The following TENM1 variants were observed in gnomAD, a reference collection of about 807,000 sequenced individuals.
TENM1 encodes teneurin-1.
A neutral mutation model predicts 174.8 loss-of-function variants in TENM1; 35 were observed. The ratio of observed to expected loss-of-function variants is 0.20; its 90% CI spans 0.15 to 0.27. TENM1 has a LOEUF of 0.27. TENM1 is among the 10% of genes least tolerant of loss of function. TENM1 has a pLI of 1.00. For synonymous variants in TENM1, 781 were observed against 798.7 expected (o/e 0.98, Z 0.37); for missense variants, 1,633 against 2,130.1 (o/e 0.77, Z 4.59).
intron 4 of TENM1, among the ~76,000 whole-genome samples, chrX:124,722,043 C>A (rs945636936): frequency 1.8e-5 from 2 of 111,783 alleles, no homozygotes; most frequent in Admixed American, 9.5e-5. Context: ...CCCACATTAC[C>A]ATAAAATTAC....
intron 31 of TENM1, 142 bp downstream of exon 34, chrX:124,382,528 C>A (rs1468683740): frequency 8.6e-6 from 4 of 463,517 alleles, no homozygotes; most frequent in Non-Finnish European, 1.3e-5. Flanking sequence ...TTTTTTTATA[C>A]CTTCTCATTA....
chrX:124,769,535 C>T (rs2054608589), intron 3 of TENM1, among the ~76,000 whole-genome samples: 1 of 111,563 alleles, frequency 9.0e-6, no homozygotes, highest in Non-Finnish European at 1.9e-5. Flanking sequence ...GAAGCCTAAA[C>T]AGAATGGATA....
intron 18 of TENM1, among the ~76,000 whole-genome samples, chrX:124,516,762 A>G (rs977664656): frequency 8.9e-6 from 1 of 112,005 alleles, no homozygotes; most frequent in African/African-American, 3.2e-5. Context: ...TTCTTCAAAG[A>G]CCTAAAAACA....
rs189638614 is a variant in TENM1 at position 124,612,617 on chromosome X, G to A, written c.2077+29174C>T. On this transcript the variant is annotated intron_variant, in intron 11 of 31. Transcript: ENST00000422452. ...AGAGAAGAGATTTCTTGTGCTATGC[G>A]TTTAAAATGACAACAGATCACATAA... is the stretch of plus-strand genomic sequence containing the variant. Among the ~76,000 whole-genome samples the A allele has an allele frequency of 8.1e-5, 9 of 111,405 alleles. No individual in the cohort carries two copies. In the East Asian group the frequency reaches 2.0e-3, roughly 25 times the overall value.
intron 14 of TENM1, 85 bp downstream of exon 17, chrX:124,561,586 A>G: frequency 9.1e-7 from 1 of 1,094,798 alleles, no homozygotes; most frequent in Non-Finnish European, 1.2e-6. Context: ...GAGATTCCTA[A>G]TTTTCACCCT....
At chrX:125,015,987 G>C in the TENM1 span, among the ~76,000 whole-genome samples, 11 of 111,491 alleles carry the variant, frequency 9.9e-5, no homozygotes, top group Non-Finnish European at 1.9e-4. Flanking sequence ...ATAGTCCACT[G>C]TCTTTTTAGT....
In TENM1 at chrX:124,758,879, G is replaced by A. The variant is rs779855515; in HGVS notation, c.536-21682C>T. Among the ~76,000 whole-genome samples the A allele has an allele frequency of 4.5e-5, 5 of 111,609 alleles. No homozygotes were observed. The South Asian group carries it at 1.9e-3, about 42-fold the overall frequency. The stretch of plus-strand genomic sequence containing the variant: ...AATAGTGATTTCCAGGAGTTGAGAG[G>A]AGGGGGAAGAGGGAAGTTGTTTAAT... On this transcript the variant is annotated intron_variant, in intron 3 of 31. Coordinates refer to ENST00000422452, the Ensembl canonical transcript of TENM1.
At position 124,530,001 on chromosome X, in the gene TENM1, A is replaced by T. The variant is rs780714079; in HGVS notation, c.2652-18T>A. The T allele has an allele frequency of 1.7e-6, 2 of 1,202,522 alleles. No individual in the cohort carries two copies. The highest frequency in any genetic ancestry group is 6.0e-5 in the East Asian group (2 of 33,425). ...AGGCACGCCTGCAACACAAGACCAA[A>T]GGCAAACAGAAAAGCATGTTGAGAC... is the stretch of plus-strand genomic sequence containing the variant. On this transcript the variant is annotated intron_variant, in intron 15 of 31. Coordinates refer to ENST00000422452, the Ensembl canonical transcript of TENM1.
chrX:124,521,520 C>T (rs1257929158), intron 17 of TENM1, among the ~76,000 whole-genome samples: 2 of 112,071 alleles, frequency 1.8e-5, no homozygotes, highest in African/African-American at 3.2e-5. Context: ...TTACACTAAA[C>T]GTTGGTCTCA....
the TENM1 span, among the ~76,000 whole-genome samples, chrX:125,160,419 T>C: frequency 9.6e-5 from 10 of 104,710 alleles, no homozygotes; most frequent in African/African-American, 3.5e-4. Context: ...TCCGAGCTAC[T>C]TGAGAGGCTG....
the TENM1 span, among the ~76,000 whole-genome samples, chrX:125,039,108 A>G: frequency 9.0e-6 from 1 of 111,466 alleles, no homozygotes; most frequent in Admixed American, 9.6e-5. Flanking sequence ...TCACATCTCT[A>G]TCTTTAAATT....
the TENM1 span, among the ~76,000 whole-genome samples, chrX:124,994,545 G>A: frequency 1.6e-4 from 18 of 110,457 alleles, no homozygotes; most frequent in African/African-American, 4.9e-4. Context: ...CCTCCTGGCC[G>A]TGACAAAACA....
chrX:124,791,826 A>C (rs1391867427), intron 3 of TENM1, among the ~76,000 whole-genome samples: 1 of 111,141 alleles, frequency 9.0e-6, no homozygotes, highest in Non-Finnish European at 1.9e-5. Flanking sequence ...TTATTATTTC[A>C]CTGTCTTATT....
intron 27 of TENM1, 144 bp downstream of exon 30, chrX:124,404,887 A>G (rs2060444612): frequency 7.8e-6 from 4 of 514,906 alleles, no homozygotes; most frequent in Non-Finnish European, 1.3e-5. Flanking sequence ...TATATCATAT[A>G]AGCCAGTCAG....
the TENM1 span, among the ~76,000 whole-genome samples, chrX:125,071,023 T>G: frequency 9.0e-6 from 1 of 111,696 alleles, no homozygotes; most frequent in Non-Finnish European, 1.9e-5. Context: ...AATTTATTTC[T>G]TCACCCCAAT....
chrX:124,586,891 A>G lies in TENM1; in HGVS notation c.2078-21331T>C, dbSNP rs758876991. On this transcript the variant is annotated intron_variant, in intron 11 of 31. Transcript: ENST00000422452. ...AAATCACAAGCATTCTTATACACCA[A>G]TAACAGACAAACAGAGAGCCAAATC... is the stretch of plus-strand genomic sequence containing the variant. Among the ~76,000 whole-genome samples the G allele has an allele frequency of 8.9e-3, 969 of 109,433 alleles. 18 individuals carry two copies. Among genetic ancestry groups the G allele is most frequent in the African/African-American group, 0.031 (904 of 29,612 alleles).
At chrX:125,150,323 T>C in the TENM1 span, among the ~76,000 whole-genome samples, 2 of 112,233 alleles carry the variant, frequency 1.8e-5, no homozygotes, top group Non-Finnish European at 3.8e-5. Context: ...TGAGCTCACA[T>C]TGTAATTGAA....
At chrX:124,394,297 T>A (rs2060311404) in intron 27 of TENM1, among the ~76,000 whole-genome samples, 1 of 112,554 alleles carries the variant, frequency 8.9e-6, no homozygotes, top group Non-Finnish European at 1.9e-5. Flanking sequence ...TTTAACTATC[T>A]GAAAGCTATG....
the TENM1 span, among the ~76,000 whole-genome samples, chrX:125,029,089 A>G: frequency 0.075 from 8,364 of 111,487 alleles, 755 homozygotes; most frequent in African/African-American, 0.26. Flanking sequence ...AGCATTAAAA[A>G]TGCACATTGA....
Sources: allele counts gnomAD v4.1 joint callset (sites outside exome capture counted in the v4.1 genomes callset), GRCh38; gene constraint gnomAD v4.1.1; transcripts MANE v1.5; gene names NCBI Gene and HGNC (gene_info 2026-07-23, HGNC 2026-07-21).